SYT16: variants seen among roughly 807,000 people sequenced by gnomAD.
SYT16 encodes synaptotagmin-16.
In SYT16, 42 loss-of-function variants were observed where a neutral mutation model predicts 61.4. That is an observed-to-expected ratio of 0.68 (90% confidence interval 0.53 to 0.89). The LOEUF is 0.89. Ranked by LOEUF, SYT16 falls within the 40% of genes least tolerant of loss-of-function variation. The pLI is 0.00. For synonymous variants in SYT16, 314 were observed against 302.3 expected, an observed-to-expected ratio of 1.04 and a Z score of -0.40; for missense variants, 804 against 807.3, an observed-to-expected ratio of 1.00 and a Z score of 0.05.
intron 1 of SYT16, among the ~76,000 whole-genome samples, chr14:61,884,416 A>G (rs1594825092): frequency 6.6e-6 from 1 of 152,314 alleles, no homozygotes; most frequent in East Asian, 1.9e-4. Context: ...CAGATCTTCA[A>G]CTAATTAAGG....
intron 1 of SYT16, among the ~76,000 whole-genome samples, chr14:61,943,346 A>G (rs578174186): frequency 9.1e-4 from 138 of 152,318 alleles, no homozygotes; most frequent in Admixed American, 2.5e-3. Flanking sequence ...TATTCCGAAC[A>G]ATAGAAAAAG....
At chr14:61,926,402 A>G (rs1195445652) in intron 1 of SYT16, among the ~76,000 whole-genome samples, 2 of 152,146 alleles carry the variant, frequency 1.3e-5, no homozygotes, top group African/African-American at 4.8e-5. Context: ...AGCTAGTGAG[A>G]GTTCAGTCTC....
chr14:62,066,259 T>C (rs2140932584), intron 3 of SYT16, among the ~76,000 whole-genome samples: 2 of 152,342 alleles, frequency 1.3e-5, no homozygotes, highest in Middle Eastern at 3.4e-3. Flanking sequence ...CACCTCTCTC[T>C]GATTCTCCAG....
At chr14:61,944,557 C>T (rs139240642) in intron 1 of SYT16, among the ~76,000 whole-genome samples, 2,236 of 152,220 alleles carry the variant, frequency 0.015, 26 homozygotes, top group Non-Finnish European at 0.022. Context: ...TGGAACAGAA[C>T]GGAGCCCTCA....
chr14:61,894,742 A>G (rs751989997), intron 1 of SYT16, among the ~76,000 whole-genome samples: 2 of 152,194 alleles, frequency 1.3e-5, no homozygotes, highest in Non-Finnish European at 2.9e-5. Context: ...GAATCACTTC[A>G]TTTCCTAATT....
intron 1 of SYT16, among the ~76,000 whole-genome samples, chr14:61,936,018 A>G (rs1460869478): frequency 6.6e-6 from 1 of 152,196 alleles, no homozygotes; most frequent in Non-Finnish European, 1.5e-5. Context: ...TCAGTTGTAT[A>G]GCACTGCTTT....
At chr14:61,934,208 AC>A (rs1222928277) in intron 1 of SYT16, among the ~76,000 whole-genome samples, 1 of 152,156 alleles carries the variant, frequency 6.6e-6, no homozygotes, top group Non-Finnish European at 1.5e-5. Flanking sequence ...ATTTGATTCA[AC>A]CTTTCTTTCA....
intron 1 of SYT16, among the ~76,000 whole-genome samples, chr14:61,883,419 CA>C (rs1197414133): frequency 6.6e-6 from 1 of 152,172 alleles, no homozygotes; most frequent in Non-Finnish European, 1.5e-5. Context: ...AGGGCAGAGG[CA>C]AAATGCCACC....
chr14:62,010,114 G>T (rs1411303628), intron 3 of SYT16, among the ~76,000 whole-genome samples: 1 of 152,158 alleles, frequency 6.6e-6, no homozygotes, highest in African/African-American at 2.4e-5. Context: ...CAAAGCATTT[G>T]TATAGATTAT....
intron 3 of SYT16, among the ~76,000 whole-genome samples, chr14:62,014,175 C>T (rs1423841311): frequency 6.6e-6 from 1 of 152,064 alleles, no homozygotes; most frequent in African/African-American, 2.4e-5. Context: ...GGACCTCTTT[C>T]GAACCGTGGG....
chr14:61,995,590 T>G (rs1451982070), intron 2 of SYT16, among the ~76,000 whole-genome samples: 3 of 152,132 alleles, frequency 2.0e-5, no homozygotes, highest in South Asian at 4.1e-4. Flanking sequence ...GATTCATTTA[T>G]CCTTTTCACA....
chr14:61,938,109 A>G (rs1190088634), intron 1 of SYT16, among the ~76,000 whole-genome samples: 1 of 151,576 alleles, frequency 6.6e-6, no homozygotes, highest in Admixed American at 6.6e-5. Context: ...TATCTAGACT[A>G]TAAGTTTAAT....
intron 3 of SYT16, among the ~76,000 whole-genome samples, chr14:62,019,611 T>C (rs1005622340): frequency 6.6e-6 from 1 of 152,242 alleles, no homozygotes; most frequent in Non-Finnish European, 1.5e-5. Flanking sequence ...TTATGGTCTT[T>C]TGAAATGTGA....
intron 1 of SYT16, among the ~76,000 whole-genome samples, chr14:61,903,820 T>G (rs753124432): frequency 6.6e-6 from 1 of 152,200 alleles, no homozygotes; most frequent in Non-Finnish European, 1.5e-5. Context: ...AACATGATTC[T>G]TGCTAGCTGC....
Position 62,081,043 on chromosome 14 carries a change from G to T in SYT16, c.1203G>T (p.Arg401Ser). The T allele has an allele frequency of 1.2e-6, 2 of 1,613,538 alleles. No individual in the cohort carries two copies. The highest frequency in any genetic ancestry group is 1.7e-6 in the Non-Finnish European group (2 of 1,179,704). The part of the protein sequence containing the change: ...HVVLLPGKKH[R>S]GRTNIQRGPN... ...TGCTGCTGCCTGGTAAGAAACACAG[G>T]GGCAGGACGAACATACAGAGAGGGC... Residue 401 changes from arginine to serine, a missense_variant, in exon 6 of 8, where the codon AGG becomes AGT. Transcript: ENST00000683842.
rs750422099 is a variant in SYT16 at position 62,100,421 on chromosome 14, A to G, written c.1652A>G (p.Asn551Ser). The stretch of plus-strand genomic sequence containing the variant: ...ACATATGGAAAACTCTTTCTCCTCA[A>G]TTCTGTGGGTCAAGAGATGTCCCGT... ...PDTYGKLFLL[N>S]SVGQEMSRCK... Residue 551 changes from asparagine to serine, a missense_variant, in exon 8 of 8, where the codon AAT becomes AGT. By Grantham distance (46) the Asn-to-Ser change is conservative. Coordinates refer to ENST00000683842, the MANE Select transcript of SYT16 (RefSeq NM_001367656.1). 7 of 1,611,382 alleles carry G rather than the reference A, an allele frequency of 4.3e-6. No individual in the cohort carries two copies. Among genetic ancestry groups the G allele is most frequent in the Admixed American group, 3.4e-5 (2 of 59,636 alleles).
chr14:61,919,934 C>G (rs1438725963), intron 1 of SYT16, among the ~76,000 whole-genome samples: 1 of 152,260 alleles, frequency 6.6e-6, no homozygotes. Flanking sequence ...TTAGTCATCT[C>G]AAATCCTTGA....
chr14:61,865,284 C>G, intron 1 of SYT16: 2 of 767,632 alleles, frequency 2.6e-6, no homozygotes, highest in East Asian at 2.6e-5. Context: ...TTGCCTCATG[C>G]CCTACACATC....
chr14:61,822,563 T>C (rs2045649833), intron 1 of SYT16, among the ~76,000 whole-genome samples: 1 of 152,166 alleles, frequency 6.6e-6, no homozygotes, highest in Non-Finnish European at 1.5e-5. Flanking sequence ...GAGAAGAAAT[T>C]GTTCTCTTCT....
Sources: allele counts gnomAD v4.1 joint callset (sites outside exome capture counted in the v4.1 genomes callset), GRCh38; gene constraint gnomAD v4.1.1; transcripts MANE v1.5; gene names NCBI Gene and HGNC (gene_info 2026-07-23, HGNC 2026-07-21).